PCDH9: variants seen among roughly 807,000 people sequenced by gnomAD.
PCDH9 encodes protocadherin 9, also known as protocadherin-9.
PCDH9 carries 24 observed loss-of-function variants against 70.6 expected under a neutral mutation model. The observed-to-expected ratio is 0.34, with a 90% CI of 0.25 to 0.48. The LOEUF (loss-of-function observed/expected upper bound fraction) is 0.48. Among genes scored for constraint, PCDH9 ranks in the 20% least tolerant of loss-of-function variants. The pLI, the probability that PCDH9 is intolerant of heterozygous loss-of-function variation, is 0.99. For missense variants in PCDH9, 1,281 were observed against 1,503.6 expected, an observed-to-expected ratio of 0.85 and a Z score of 2.45; for synonymous variants, 562 against 558.5, an observed-to-expected ratio of 1.01 and a Z score of -0.09.
intron 2 of PCDH9, chr13:67,222,053 A>C (rs2089737258): frequency 6.6e-6 from 1 of 152,172 alleles, no homozygotes; most frequent in African/African-American, 2.4e-5. Flanking sequence ...TCCATGTTTT[A>C]AGTAGTGCTC....
At chr13:66,467,259 G>T (rs902551917) in intron 4 of PCDH9, among the ~76,000 whole-genome samples, 2 of 152,136 alleles carry the variant, frequency 1.3e-5, no homozygotes, top group South Asian at 2.1e-4. Context: ...CAGCCTGAAA[G>T]ACTACGTTTA....
intron 3 of PCDH9, among the ~76,000 whole-genome samples, chr13:66,903,187 C>CA (rs1384100529): frequency 3.7e-4 from 56 of 151,514 alleles, no homozygotes; most frequent in Non-Finnish European, 1.6e-4. Flanking sequence ...TGAATCAATC[C>CA]AGAACATCTA....
intron 2 of PCDH9, among the ~76,000 whole-genome samples, chr13:67,062,039 C>T (rs2085549129): frequency 6.6e-6 from 1 of 152,168 alleles, no homozygotes; most frequent in African/African-American, 2.4e-5. Flanking sequence ...GTAAAGTACT[C>T]TAGCAGTTTC....
chr13:66,688,667 C>T (rs893504433), intron 3 of PCDH9, among the ~76,000 whole-genome samples: 2 of 152,090 alleles, frequency 1.3e-5, no homozygotes, highest in Non-Finnish European at 2.9e-5. Context: ...TAATCTAATT[C>T]AGTTTGCTAT....
intron 2 of PCDH9, among the ~76,000 whole-genome samples, chr13:67,005,840 G>A (rs2084339844): frequency 6.6e-6 from 1 of 152,190 alleles, no homozygotes; most frequent in African/African-American, 2.4e-5. Context: ...ATTTAGTCCT[G>A]CCCTATAGCC....
intron 2 of PCDH9, among the ~76,000 whole-genome samples, chr13:67,163,818 AAACT>A (rs1401129387): frequency 1.4e-4 from 21 of 152,226 alleles, no homozygotes; most frequent in Admixed American, 1.3e-3. Context: ...ATGATCAGGA[AAACT>A]AACTGTCAAT....
chr13:66,872,300 T>C (rs1465205189), intron 3 of PCDH9, among the ~76,000 whole-genome samples: 1 of 152,144 alleles, frequency 6.6e-6, no homozygotes, highest in African/African-American at 2.4e-5. Flanking sequence ...AGTTAGTGAG[T>C]CAATTCATAG....
intron 4 of PCDH9, among the ~76,000 whole-genome samples, chr13:66,493,636 G>C (rs1959069082): frequency 6.6e-6 from 1 of 152,070 alleles, no homozygotes; most frequent in Admixed American, 6.6e-5. Flanking sequence ...AACCAAGGAA[G>C]TTACTACAGC....
chr13:66,824,324 T>TATATATATA (rs2080771388), intron 3 of PCDH9, among the ~76,000 whole-genome samples: 1 of 50,618 alleles, frequency 2.0e-5, no homozygotes, highest in African/African-American at 6.5e-5. Context: ...TATATATATA[T>TATATATATA]ATATATATAT....
At chr13:66,580,738 G>T (rs1048147128) in intron 4 of PCDH9, among the ~76,000 whole-genome samples, 12 of 151,958 alleles carry the variant, frequency 7.9e-5, no homozygotes, top group Non-Finnish European at 1.5e-4. Flanking sequence ...CACTTTAAAT[G>T]AGTGTATCTT....
At chr13:66,918,834 C>T (rs939278476) in intron 2 of PCDH9, among the ~76,000 whole-genome samples, 1 of 151,258 alleles carries the variant, frequency 6.6e-6, no homozygotes, top group African/African-American at 2.4e-5. Flanking sequence ...TAATTGAACT[C>T]TTACTTGTGC....
At chr13:66,868,385 T>C (rs969866259) in intron 3 of PCDH9, among the ~76,000 whole-genome samples, 1 of 152,072 alleles carries the variant, frequency 6.6e-6, no homozygotes, top group South Asian at 2.1e-4. Flanking sequence ...TAATATACAA[T>C]TATAATGAAA....
intron 3 of PCDH9, among the ~76,000 whole-genome samples, chr13:66,685,263 G>T (rs1204348877): frequency 2.0e-5 from 3 of 152,166 alleles, no homozygotes; most frequent in Non-Finnish European, 4.4e-5. Flanking sequence ...TATTTGTCCT[G>T]CATCCCAGCT....
chr13:66,853,781 C>T (rs915917174), intron 3 of PCDH9, among the ~76,000 whole-genome samples: 10 of 151,884 alleles, frequency 6.6e-5, no homozygotes, highest in African/African-American at 2.2e-4. Flanking sequence ...TGCTATATCA[C>T]CCAGACTGGA....
intron 4 of PCDH9, among the ~76,000 whole-genome samples, chr13:66,626,761 A>G (rs369455159): frequency 2.2e-4 from 33 of 152,344 alleles, no homozygotes; most frequent in African/African-American, 7.0e-4. Flanking sequence ...TATTTACACA[A>G]AACCTATCAA....
intron 2 of PCDH9, chr13:67,205,411 A>T (rs534707683): frequency 3.3e-5 from 5 of 152,236 alleles, no homozygotes; most frequent in African/African-American, 1.2e-4. Flanking sequence ...GGACTTCAAG[A>T]AAAAGCTGCT....
At chr13:66,690,509 T>C (rs2078468263) in intron 3 of PCDH9, among the ~76,000 whole-genome samples, 1 of 151,932 alleles carries the variant, frequency 6.6e-6, no homozygotes, top group Non-Finnish European at 1.5e-5. Context: ...AAGCTTACAG[T>C]GAAGGTGTGT....
At chr13:66,948,500 T>C (rs940385709) in intron 2 of PCDH9, among the ~76,000 whole-genome samples, 1 of 151,968 alleles carries the variant, frequency 6.6e-6, no homozygotes. Flanking sequence ...ATGCTTATTT[T>C]TTTTCTTCAT....
At chr13:67,073,977 C>A (rs1038179176) in intron 2 of PCDH9, among the ~76,000 whole-genome samples, 1 of 152,082 alleles carries the variant, frequency 6.6e-6, no homozygotes, top group Non-Finnish European at 1.5e-5. Context: ...GCACTATAGA[C>A]TTTCTGAAAG....
Sources: allele counts gnomAD v4.1 joint callset (sites outside exome capture counted in the v4.1 genomes callset), GRCh38; gene constraint gnomAD v4.1.1; transcripts MANE v1.5; gene names NCBI Gene and HGNC (gene_info 2026-07-23, HGNC 2026-07-21).